Variants in BLNK observed in about 807,000 individuals in gnomAD.
BLNK encodes B cell linker, also known as B-cell linker protein.
A neutral mutation model predicts 73.5 loss-of-function variants in BLNK; 29 were observed. The ratio of observed to expected loss-of-function variants is 0.39; its 90% CI spans 0.29 to 0.54. BLNK has a LOEUF of 0.54. Among genes scored for constraint, BLNK ranks in the 20% least tolerant of loss-of-function variants. BLNK has a pLI of 0.61. For synonymous variants in BLNK, 176 were observed against 200.8 expected (o/e 0.88, Z 1.04); for missense variants, 460 against 562.8 (o/e 0.82, Z 1.85).
At chr10:96,195,846 G>T (rs1421848843) in intron 16 of BLNK, among the ~76,000 whole-genome samples, 1 of 152,192 alleles carries the variant, frequency 6.6e-6, no homozygotes, top group African/African-American at 2.4e-5. Flanking sequence ...GAATACACAT[G>T]ACTTTTTCAG....
chr10:96,216,470 C>T (rs2084068026), intron 7 of BLNK, 183 bp downstream of exon 7: 1 of 648,978 alleles, frequency 1.5e-6, no homozygotes, highest in Admixed American at 2.3e-5. Flanking sequence ...GGCTATGATA[C>T]ACAGAGATGG....
chr10:96,213,853 G>C (rs984532948), intron 8 of BLNK, among the ~76,000 whole-genome samples: 1 of 152,108 alleles, frequency 6.6e-6, no homozygotes, highest in Non-Finnish European at 1.5e-5. Context: ...TTTTAGATTG[G>C]CATGTTTGAC....
intron 3 of BLNK, among the ~76,000 whole-genome samples, chr10:96,234,307 A>G (rs1473916447): frequency 2.0e-5 from 3 of 152,220 alleles, no homozygotes; most frequent in African/African-American, 7.2e-5. Context: ...TCCTAGCTAG[A>G]CTATCTACTT....
chr10:96,262,766 G>A (rs1317862796), intron 1 of BLNK, among the ~76,000 whole-genome samples: 4 of 152,188 alleles, frequency 2.6e-5, no homozygotes, highest in Non-Finnish European at 4.4e-5. Flanking sequence ...GTTTGGGCCT[G>A]GAACACACAA....
At chr10:96,254,509 TGTTTTGTTTTG>T (rs1405917662) in intron 1 of BLNK, among the ~76,000 whole-genome samples, 42 of 143,608 alleles carry the variant, frequency 2.9e-4, no homozygotes, top group Admixed American at 1.0e-3. Flanking sequence ...GTTTTTTTTT[TGTTTTGTTTTG>T]TTTTTTTGAG....
intron 1 of BLNK, among the ~76,000 whole-genome samples, 178 bp downstream of exon 1, chr10:96,271,174 C>T (rs1329069455): frequency 6.6e-6 from 1 of 152,196 alleles, no homozygotes; most frequent in Non-Finnish European, 1.5e-5. Context: ...CAGTTCACTT[C>T]CCTATAGCAA....
intron 1 of BLNK, among the ~76,000 whole-genome samples, chr10:96,268,889 A>G (rs1554914870): frequency 3.3e-5 from 5 of 152,192 alleles, no homozygotes; most frequent in Admixed American, 1.3e-4. Context: ...GAGTATAAAC[A>G]TAACTGTCCA....
intron 3 of BLNK, among the ~76,000 whole-genome samples, chr10:96,232,570 C>T (rs12253403): frequency 0.22 from 33,699 of 151,952 alleles, 4,652 homozygotes; most frequent in East Asian, 0.48. Flanking sequence ...GGCAGCAGCA[C>T]CCTCTTTTGG....
chr10:96,194,823 T>G (rs1385371544), intron 16 of BLNK, among the ~76,000 whole-genome samples: 40 of 138,050 alleles, frequency 2.9e-4, no homozygotes, highest in Non-Finnish European at 6.1e-5. Flanking sequence ...CAGGCTGGAG[T>G]GCAGTGGCGC....
At chr10:96,255,397 A>T (rs55668627) in intron 1 of BLNK, among the ~76,000 whole-genome samples, 4,328 of 152,302 alleles carry the variant, frequency 0.028, 90 homozygotes, top group Non-Finnish European at 0.042. Context: ...GTACTTTTTT[A>T]AAAAGTTTAG....
At chr10:96,203,796 G>T (rs2083720321) in intron 13 of BLNK, 3 of 282,102 alleles carry the variant, frequency 1.1e-5, no homozygotes, top group South Asian at 8.9e-5. Context: ...AAAAAAAAAA[G>T]TTAAAAAAGG....
At chr10:96,197,728 A>C (rs373475661) in intron 15 of BLNK, among the ~76,000 whole-genome samples, 6 of 152,108 alleles carry the variant, frequency 3.9e-5, no homozygotes, top group African/African-American at 1.4e-4. Context: ...TCATTATGAA[A>C]ATTCTCTCCT....
At chr10:96,214,174 C>G (rs1381341037) in intron 8 of BLNK, among the ~76,000 whole-genome samples, 3 of 151,944 alleles carry the variant, frequency 2.0e-5, no homozygotes, top group African/African-American at 7.3e-5. Flanking sequence ...ATATGTGTGC[C>G]TAGGGGAGAG....
chr10:96,224,729 G>T (rs1266497177), intron 5 of BLNK, among the ~76,000 whole-genome samples: 3 of 152,012 alleles, frequency 2.0e-5, no homozygotes, highest in Non-Finnish European at 1.5e-5. Context: ...ACAAAGTCTT[G>T]CTCTGTTGCC....
chr10:96,228,502 C>T (rs1417303913), intron 4 of BLNK, among the ~76,000 whole-genome samples: 1 of 152,168 alleles, frequency 6.6e-6, no homozygotes, highest in Non-Finnish European at 1.5e-5. Context: ...GGTGATCTGC[C>T]AGCCTCGGCC....
At chr10:96,196,422 T>G (rs891505640) in intron 16 of BLNK, among the ~76,000 whole-genome samples, 2 of 152,214 alleles carry the variant, frequency 1.3e-5, no homozygotes. Flanking sequence ...CATGTGATTT[T>G]TTTTTCTTGC....
intron 15 of BLNK, chr10:96,199,556 T>C (rs1487606871): frequency 2.2e-6 from 1 of 458,166 alleles, no homozygotes; most frequent in Non-Finnish European, 4.4e-6. Flanking sequence ...AAAGGACAAG[T>C]AGAAATGAGA....
intron 3 of BLNK, among the ~76,000 whole-genome samples, chr10:96,232,938 CTGAG>C (rs1301360309): frequency 3.9e-5 from 6 of 151,954 alleles, no homozygotes; most frequent in Non-Finnish European, 8.8e-5. Context: ...CCTCAGCCTC[CTGAG>C]TAACTGGCAC....
At chr10:96,219,925 C>T (rs1400263643) in intron 6 of BLNK, among the ~76,000 whole-genome samples, 1 of 152,240 alleles carries the variant, frequency 6.6e-6, no homozygotes, top group Non-Finnish European at 1.5e-5. Flanking sequence ...TGTGACTAGG[C>T]ATGATCAAAA....
Sources: gnomAD v4.1 joint callset for allele counts (sites outside exome capture counted in the v4.1 genomes callset) on GRCh38, gnomAD v4.1.1 for gene constraint, MANE v1.5 for transcripts, NCBI Gene and HGNC (gene_info 2026-07-23, HGNC 2026-07-21) for gene names.